The following TXNL4A variants were observed in gnomAD, a reference collection of about 807,000 sequenced individuals.
TXNL4A encodes the protein thioredoxin like 4A, also known as thioredoxin-like protein 4A.
TXNL4A carries 17 observed loss-of-function variants against 14.6 expected under a neutral mutation model. That is an observed-to-expected ratio of 1.16 (90% CI 0.80 to 1.74). The LOEUF (loss-of-function observed/expected upper bound fraction) is 1.74. Among genes scored for constraint, TXNL4A ranks in the 40% most tolerant of loss-of-function variants. The pLI is 0.00. For synonymous variants in TXNL4A, 83 were observed against 70.6 expected (o/e 1.18, Z -0.88); for missense variants, 74 against 195.2 (o/e 0.38, Z 3.70).
chr18:79,977,252 G>T, intron 2 of TXNL4A: 1 of 321,598 alleles, frequency 3.1e-6, no homozygotes, highest in Non-Finnish European at 5.7e-6. Context: ...GAGCCACTGT[G>T]CCCGGCCTAA....
chr18:80,012,977 C>T (rs896345857), intron 1 of TXNL4A, among the ~76,000 whole-genome samples: 11 of 151,902 alleles, frequency 7.2e-5, no homozygotes, highest in Admixed American at 6.6e-4. Flanking sequence ...CATTCGTCGA[C>T]GACCTGCTTC....
At chr18:79,977,481 G>C in intron 2 of TXNL4A, 117 bp downstream of exon 2, 1 of 793,228 alleles carries the variant, frequency 1.3e-6, no homozygotes, top group Non-Finnish European at 2.1e-6. Context: ...AAACGATTTT[G>C]GGACATGACT....
Position 79,988,231 on chromosome 18 carries a change from G to C in TXNL4A, c.153+9C>G. The C allele has an allele frequency of 3.9e-6, 6 of 1,525,006 alleles. No individual in the cohort carries two copies. Among genetic ancestry groups the C allele is most frequent in the Non-Finnish European group, 4.5e-6 (5 of 1,117,834 alleles). 94.5% of individuals were successfully genotyped at this position (1,525,006 alleles called of 1,614,324 possible). A position where few individuals can be genotyped will look rare whatever the true frequency, so the allele number is the denominator to read the frequency against. On this transcript the variant is annotated intron_variant, in intron 1 of 2. Transcript: ENST00000269601. ...ACAGCCCGCAGAGCGGGAGAGTCCG[G>C]CGCGCTACCTTCTCGGCGATGCTGT...
intron 1 of TXNL4A, among the ~76,000 whole-genome samples, chr18:79,994,584 A>C (rs1445987093): frequency 6.8e-6 from 1 of 147,776 alleles, no homozygotes; most frequent in African/African-American, 2.5e-5. Context: ...GAGGCCAACA[A>C]ACAACTCAGA....
At chr18:79,980,836 G>A (rs2051452988) in intron 1 of TXNL4A, among the ~76,000 whole-genome samples, 1 of 152,182 alleles carries the variant, frequency 6.6e-6, no homozygotes, top group Non-Finnish European at 1.5e-5. Context: ...CCCACTGCAG[G>A]GGCATGCGAC....
At chr18:79,976,456 A>G (rs1008999069) in intron 2 of TXNL4A, among the ~76,000 whole-genome samples, 1 of 152,122 alleles carries the variant, frequency 6.6e-6, no homozygotes, top group Non-Finnish European at 1.5e-5. Context: ...AAGGAAGCAG[A>G]TCTCAGACCC....
At chr18:80,024,722 T>C (rs2145128338) in intron 1 of TXNL4A, among the ~76,000 whole-genome samples, 1 of 152,244 alleles carries the variant, frequency 6.6e-6, no homozygotes, top group Middle Eastern at 3.4e-3. Flanking sequence ...TAGGGTCTCA[T>C]CTCAGCCGGC....
chr18:80,008,784 TTTC>T (rs2051749771), intron 1 of TXNL4A, among the ~76,000 whole-genome samples: 1 of 152,314 alleles, frequency 6.6e-6, no homozygotes, highest in South Asian at 2.1e-4. Flanking sequence ...TCTTTCTTTC[TTTC>T]TTTCTTTTGA....
chr18:79,990,880 G>A (rs893439625), upstream of TXNL4A, among the ~76,000 whole-genome samples: 6 of 151,832 alleles, frequency 4.0e-5, no homozygotes, highest in African/African-American at 1.2e-4. Context: ...CGAGGCGGGC[G>A]GATCACGAGG....
intron 1 of TXNL4A, among the ~76,000 whole-genome samples, chr18:80,012,470 C>T (rs554033924): frequency 5.9e-4 from 90 of 152,270 alleles, no homozygotes; most frequent in Non-Finnish European, 8.1e-4. Context: ...CTCTCCAGTG[C>T]CTGGGGAGAA....
rs147014161 is a variant in TXNL4A, at chr18:79,977,810, TTTTTG to T, written c.154-114_154-110del. 0.35 allele frequency: 254,645 copies of T among 718,454 alleles called. 49,320 individuals carry two copies. The highest frequency in any genetic ancestry group is 0.49 in the Admixed American group (17,521 of 35,602). The allele number at this position is 718,454 out of a possible 1,614,324, so 44.5% of individuals were successfully genotyped here. ...CAAGAATTTGTGTGGATCAGGGCAA[TTTTTG>T]TTTTGTTTTTTTGAGACAGGGTCTC... On this transcript the variant is annotated intron_variant, in intron 1 of 2. Coordinates refer to ENST00000269601, the MANE Select transcript of TXNL4A (RefSeq NM_006701.5).
rs2051923196 is a variant in TXNL4A at position 80,031,801 on chromosome 18, G to A, written c.-61+2050C>T. ...TCCAGAAAATGAAGAACATAACCCG[G>A]CTTATGACTGATATGAAAACCCAGA... On this transcript the variant is annotated intron_variant, in intron 1 of 2. Transcript: ENST00000585474. 2.0e-5 allele frequency among the ~76,000 whole-genome samples: 3 copies of A among 152,312 alleles called. No homozygotes were observed. The Middle Eastern group carries it at 0.01, about 518-fold the overall frequency.
rs979294451 is a variant in TXNL4A, at chr18:79,986,533, T to C, written c.153+1707A>G. The C allele has an allele frequency of 3.1e-6, 3 of 973,926 alleles. No individual in the cohort carries two copies. The African/African-American group carries it at 5.3e-5, about 17-fold the overall frequency. 60.3% of individuals were successfully genotyped at this position (973,926 alleles called of 1,614,324 possible). ...ACTAGTGATACAGTGATTCATTCTG[T>C]AATAACAAAGAAATTGGACATAAAG... On this transcript the variant is annotated intron_variant, in intron 1 of 2. Coordinates refer to ENST00000269601, the MANE Select transcript of TXNL4A (RefSeq NM_006701.5).
At chr18:79,975,909 C>T (rs1197183718) in intron 2 of TXNL4A, among the ~76,000 whole-genome samples, 4 of 152,112 alleles carry the variant, frequency 2.6e-5, no homozygotes, top group Non-Finnish European at 4.4e-5. Context: ...TTAGCCTCTC[C>T]GGATGGCCAA....
At chr18:80,008,674 C>T (rs1399644910) in intron 1 of TXNL4A, among the ~76,000 whole-genome samples, 1 of 152,178 alleles carries the variant, frequency 6.6e-6, no homozygotes, top group Non-Finnish European at 1.5e-5. Context: ...TCAGGCAATT[C>T]TGAGTGGTAC....
In TXNL4A at chr18:80,011,506, G is replaced by A. The variant is rs1879522506; in HGVS notation, c.-61+22345C>T. On this transcript the variant is annotated intron_variant, in intron 1 of 2. Transcript: ENST00000585474. This position sits in a 1 kb window ranked among gnomAD's most constrained non-coding sequence, Gnocchi z 4.1. Reference sequence around the variant, plus strand: ...GCTGCTACAGTTGCCTTCCACCCTTGCTGCAATATTGTGGGAAAGAGTTTC... The same window carrying A: ...GCTGCTACAGTTGCCTTCCACCCTTACTGCAATATTGTGGGAAAGAGTTTC... Among the ~76,000 whole-genome samples the A allele has an allele frequency of 7.3e-6, 1 of 137,764 alleles. No homozygotes were observed. The highest frequency in any genetic ancestry group is 2.9e-4 in the South Asian group (1 of 3,418). 90.4% of individuals were successfully genotyped at this position (137,764 alleles called of 152,430 possible). A position where few individuals can be genotyped will look rare whatever the true frequency, so the allele number is the denominator to read the frequency against.
At chr18:79,988,674 T>G (rs190248371), upstream of TXNL4A, 119 of 260,312 alleles carry the variant, frequency 4.6e-4, no homozygotes, top group Middle Eastern at 4.7e-3. Context: ...GTTGGCCGGG[T>G]GGAGCGGCGG....
intron 1 of TXNL4A, among the ~76,000 whole-genome samples, chr18:80,020,079 A>AT (rs2051838441): frequency 2.0e-5 from 3 of 152,162 alleles, no homozygotes; most frequent in Admixed American, 2.0e-4. Flanking sequence ...CACTGTTCTC[A>AT]TGATAGTGAA....
chr18:79,975,595 T>C (rs766880797), intron 2 of TXNL4A, among the ~76,000 whole-genome samples: 2 of 152,002 alleles, frequency 1.3e-5, no homozygotes, highest in Non-Finnish European at 2.9e-5. Context: ...AGGGGCAAAA[T>C]AGAAAAGGCC....
Sources: allele counts gnomAD v4.1 joint callset (sites outside exome capture counted in the v4.1 genomes callset), GRCh38; gene constraint gnomAD v4.1.1; non-coding constraint Gnocchi (gnomAD v3.1); transcripts MANE v1.5; gene names NCBI Gene and HGNC (gene_info 2026-07-23, HGNC 2026-07-21).